PON2: variants seen among roughly 807,000 people sequenced by gnomAD.
PON2 encodes serum paraoxonase/arylesterase 2.
A neutral mutation model predicts 36.6 loss-of-function variants in PON2; 27 were observed. That is an observed-to-expected ratio of 0.74 (90% CI 0.54 to 1.02). The LOEUF (loss-of-function observed/expected upper bound fraction) is 1.02. Ranked by LOEUF, PON2 falls within the 50% of genes least tolerant of loss-of-function variation. The pLI is 0.00. For missense variants in PON2, 363 were observed against 421.1 expected (o/e 0.86, Z 1.21); for synonymous variants, 149 against 156.3 (o/e 0.95, Z 0.35).
At chr7:95,421,173 C>T (rs1483656271) in intron 2 of PON2, among the ~76,000 whole-genome samples, 1 of 152,172 alleles carries the variant, frequency 6.6e-6, no homozygotes, top group Non-Finnish European at 1.5e-5. Flanking sequence ...ACACACATCA[C>T]AACATAAAGG....
At chr7:95,414,290 A>G (rs1259867560) in intron 3 of PON2, among the ~76,000 whole-genome samples, 1 of 152,168 alleles carries the variant, frequency 6.6e-6, no homozygotes, top group Non-Finnish European at 1.5e-5. Flanking sequence ...ACAATGTAGG[A>G]CCTCTTTATT....
At chr7:95,408,985 G>T (rs1274460781) in intron 6 of PON2, among the ~76,000 whole-genome samples, 6 of 152,266 alleles carry the variant, frequency 3.9e-5, no homozygotes, top group African/African-American at 1.4e-4. Flanking sequence ...GCCTGTATGA[G>T]TCCAAAATCT....
rs1788929693 is a variant in PON2, at chr7:95,411,716, T to A, written c.431A>T (p.Lys144Ile). ...CAGAGAATTTTCTGCTTCTTCAAAT[T>A]TAAAAATTTCCACTGTATTCTTGAA... ...PEFKNTVEIFKFEEAENSLLH... is the reference protein window; with the variant it reads ...PEFKNTVEIFIFEEAENSLLH... The change falls in exon 5 of 9, where the codon AAA becomes ATA. Residue 144 changes from lysine to isoleucine, a missense_variant. Transcript: ENST00000222572. 1.2e-6 allele frequency: 2 copies of A among 1,613,678 alleles called. No homozygotes were observed. The highest frequency in any genetic ancestry group is 2.2e-5 in the South Asian group (2 of 91,064).
chr7:95,433,780 A>G (rs1361661067), intron 1 of PON2, among the ~76,000 whole-genome samples: 3 of 152,034 alleles, frequency 2.0e-5, no homozygotes, highest in African/African-American at 7.2e-5. Context: ...GGGCCCCTTC[A>G]TGCTCATATG....
chr7:95,421,197 C>G (rs1339148769), intron 2 of PON2, among the ~76,000 whole-genome samples: 1 of 152,170 alleles, frequency 6.6e-6, no homozygotes, highest in South Asian at 2.1e-4. Context: ...CAAACATAGA[C>G]AGATGCCTGT....
chr7:95,405,023 A>C lies in PON2; in HGVS notation c.*307T>G. On this transcript the variant is annotated 3_prime_UTR_variant, in exon 9 of 9. Coordinates refer to ENST00000222572, the MANE Select transcript of PON2 (RefSeq NM_000305.3). Reference sequence around the variant, plus strand: ...ATTTTAAGGAAATATAATTCACTCTATTTCAGTGGAATCCATGTTCTGGCA... The same window carrying C: ...ATTTTAAGGAAATATAATTCACTCTCTTTCAGTGGAATCCATGTTCTGGCA... 2 of 321,458 alleles carry C rather than the reference A, an allele frequency of 6.2e-6. No homozygotes were observed. The highest frequency in any genetic ancestry group is 1.2e-5 in the Non-Finnish European group (2 of 166,510). 19.9% of individuals were successfully genotyped at this position (321,458 alleles called of 1,614,324 possible). A position where few individuals can be genotyped will look rare whatever the true frequency, so the allele number is the denominator to read the frequency against.
chr7:95,428,263 G>A (rs17876188), intron 1 of PON2, among the ~76,000 whole-genome samples: 1,732 of 151,910 alleles, frequency 0.011, 29 homozygotes, highest in South Asian at 0.047. Context: ...TCCTCATCAC[G>A]AGCCTATGGT....
chr7:95,408,405 G>A (rs1375829007), intron 6 of PON2, among the ~76,000 whole-genome samples: 3 of 152,194 alleles, frequency 2.0e-5, no homozygotes, highest in Non-Finnish European at 4.4e-5. Context: ...GGAGGCACAG[G>A]TAGAACCAAC....
chr7:95,423,954 G>A (rs970056424), intron 2 of PON2, among the ~76,000 whole-genome samples: 1 of 152,062 alleles, frequency 6.6e-6, no homozygotes, highest in Non-Finnish European at 1.5e-5. Flanking sequence ...TCACTATCAC[G>A]AGAACAGCAG....
rs1294496478 is a variant in PON2 at position 95,410,070 on chromosome 7, G to A, written c.526C>T (p.His176Tyr). ...TAGTGGTCATTTGTGGCATAGAAATGTGCCGGTCCAACAGCTGTGATGTCA... is the reference window on the plus strand; with the variant it reads ...TAGTGGTCATTTGTGGCATAGAAATATGCCGGTCCAACAGCTGTGATGTCA... ...VNDITAVGPA[H>Y]FYATNDHYFS... Residue 176 changes from histidine to tyrosine, a missense_variant, in exon 6 of 9, where the codon CAT becomes TAT. Physicochemically the swap from His to Tyr is moderately conservative, Grantham distance 83. Transcript: ENST00000222572. 1.2e-6 allele frequency: 2 copies of A among 1,613,642 alleles called. No homozygotes were observed. The highest frequency in any genetic ancestry group is 1.7e-5 in the Admixed American group (1 of 59,968).
At chr7:95,408,861 C>T (rs1412824591) in intron 6 of PON2, among the ~76,000 whole-genome samples, 1 of 145,704 alleles carries the variant, frequency 6.9e-6, no homozygotes, top group African/African-American at 2.5e-5. Flanking sequence ...TTAAAGTTAA[C>T]ATTTAAAAGA....
chr7:95,425,572 C>T (rs1386997228), intron 1 of PON2, among the ~76,000 whole-genome samples: 1 of 152,190 alleles, frequency 6.6e-6, no homozygotes, highest in Non-Finnish European at 1.5e-5. Context: ...ACATACCATA[C>T]ATTTAAGAGA....
Position 95,435,027 on chromosome 7 carries a change from A to G in PON2, c.-76T>C. 7 of 1,406,078 alleles carry G rather than the reference A, an allele frequency of 5.0e-6. No homozygotes were observed. Among genetic ancestry groups the G allele is most frequent in the Non-Finnish European group, 5.6e-6 (6 of 1,068,680 alleles). The allele number at this position is 1,406,078 out of a possible 1,614,324, so 87.1% of individuals were successfully genotyped here. ...TGGGCGGTGCCATCTTCCCGGCTCG[A>G]TGGTGCCGGCCGCGCTCCGCCCCGT... is the stretch of plus-strand genomic sequence containing the variant. On this transcript the variant is annotated 5_prime_UTR_variant, in exon 1 of 9. Coordinates refer to ENST00000222572, the MANE Select transcript of PON2 (RefSeq NM_000305.3).
intron 3 of PON2, among the ~76,000 whole-genome samples, chr7:95,414,836 C>T (rs1055154681): frequency 2.0e-5 from 3 of 152,192 alleles, no homozygotes; most frequent in Non-Finnish European, 2.9e-5. Context: ...TTAAATAAAA[C>T]ATTCCTTTTA....
intron 6 of PON2, among the ~76,000 whole-genome samples, chr7:95,408,796 G>T (rs1809778113): frequency 6.6e-6 from 1 of 152,140 alleles, no homozygotes; most frequent in Non-Finnish European, 1.5e-5. Flanking sequence ...TATAGGTTGT[G>T]GTTGTGCATA....
At chr7:95,426,110 G>A (rs751510932) in intron 1 of PON2, among the ~76,000 whole-genome samples, 3 of 152,090 alleles carry the variant, frequency 2.0e-5, no homozygotes, top group Non-Finnish European at 4.4e-5. Context: ...GGGAAGGGAA[G>A]GGAGTAGACA....
At chr7:95,424,221 C>A in intron 2 of PON2, 1 of 419,526 alleles carries the variant, frequency 2.4e-6, no homozygotes. Context: ...GCGGCCATAC[C>A]TGACAAACAA....
At chr7:95,431,088 T>C (rs1393999737) in intron 1 of PON2, among the ~76,000 whole-genome samples, 2 of 152,080 alleles carry the variant, frequency 1.3e-5, no homozygotes, top group Admixed American at 6.5e-5. Flanking sequence ...GCTGTGTACC[T>C]TGACACCAGG....
chr7:95,416,221 GGGAA>G lies in PON2; in HGVS notation c.201+17_201+20del. ...CCTTGTATCTCCTCTGCTGAATTTG[GGGAA>G]GGAAGAAGACACTCACCACACTAAA... On this transcript the variant is annotated intron_variant, in intron 3 of 8. Transcript: ENST00000222572. 6 of 1,611,088 alleles carry G rather than the reference GGGAA, an allele frequency of 3.7e-6. No homozygotes were observed. Among genetic ancestry groups the G allele is most frequent in the Non-Finnish European group, 5.1e-6 (6 of 1,177,396 alleles).
Sources: gnomAD v4.1 joint callset for allele counts (sites outside exome capture counted in the v4.1 genomes callset) on GRCh38, gnomAD v4.1.1 for gene constraint, MANE v1.5 for transcripts, NCBI Gene and HGNC (gene_info 2026-07-23, HGNC 2026-07-21) for gene names.